The following FRMD4A variants were observed in gnomAD, a reference collection of about 807,000 sequenced individuals.
The protein encoded by FRMD4A is FERM domain-containing protein 4A.
FRMD4A carries 29 observed loss-of-function variants against 129.1 expected under a neutral mutation model. The ratio of observed to expected loss-of-function variants is 0.22; its 90% CI spans 0.17 to 0.31. The LOEUF (loss-of-function observed/expected upper bound fraction) is 0.31, where lower values mean the gene tolerates loss of function less well. Among genes scored for constraint, FRMD4A ranks in the 10% least tolerant of loss-of-function variants. FRMD4A has a pLI of 1.00. For synonymous variants in FRMD4A, 634 were observed against 571.6 expected (o/e 1.11, Z -1.56); for missense variants, 1,272 against 1,375.8 (o/e 0.92, Z 1.19).
chr10:14,089,630 C>CAAAAAAAAAAAAAAAAAAAAAAAAAAA (rs59553317), intron 2 of FRMD4A, among the ~76,000 whole-genome samples: 1 of 130,804 alleles, frequency 7.6e-6, no homozygotes, highest in African/African-American at 3.0e-5. Flanking sequence ...AAAAAAAAAA[C>CAAAAAAAAAAAAAAAAAAAAAAAAAAA]AAAAAAAAAC....
intron 3 of FRMD4A, among the ~76,000 whole-genome samples, chr10:13,829,866 T>A (rs1156702541): frequency 1.3e-5 from 2 of 152,138 alleles, no homozygotes; most frequent in Non-Finnish European, 2.9e-5. Flanking sequence ...CCATAAGTGT[T>A]TCACCAAAAT....
At position 13,656,656 on chromosome 10, in the gene FRMD4A, T is replaced by G; in HGVS notation, c.2933A>C (p.Gln978Pro). 3 of 1,493,528 alleles carry G rather than the reference T, an allele frequency of 2.0e-6. No homozygotes were observed. The South Asian group carries it at 4.0e-5, about 20-fold the overall frequency. 92.5% of individuals were successfully genotyped at this position (1,493,528 alleles called of 1,614,324 possible). A position where few individuals can be genotyped will look rare whatever the true frequency, so the allele number is the denominator to read the frequency against. ...VAHSRVTRMP[Q>P]MCKATSAALP... The stretch of plus-strand genomic sequence containing the variant: ...CTCACCTGACGTGGCCTTGCACATC[T>G]GGGGCATCCTGGTGACCCTGCTGTG... Residue 978 changes from glutamine to proline, a missense_variant, in exon 22 of 25, where the codon CAG (glutamine) becomes CCG (proline). Physicochemically the swap from Gln to Pro is moderately conservative, Grantham distance 76. Transcript: ENST00000357447.
At chr10:14,145,292 C>G (rs980130111) in intron 2 of FRMD4A, among the ~76,000 whole-genome samples, 1 of 152,158 alleles carries the variant, frequency 6.6e-6, no homozygotes, top group East Asian at 1.9e-4. Context: ...TTAACCTCCC[C>G]CAGATCAAAC....
chr10:13,904,253 GA>G (rs869142401), intron 2 of FRMD4A, among the ~76,000 whole-genome samples: 1 of 26,528 alleles, frequency 3.8e-5, no homozygotes, highest in Non-Finnish European at 8.4e-5. Flanking sequence ...CAGCCAAGGA[GA>G]ACGCTCCTAC....
At chr10:14,206,240 G>T (rs764277407) in intron 2 of FRMD4A, among the ~76,000 whole-genome samples, 1 of 152,082 alleles carries the variant, frequency 6.6e-6, no homozygotes, top group South Asian at 2.1e-4. Context: ...AACACAAGGC[G>T]CACTTTTCTT....
At chr10:13,736,138 C>T (rs574196730) in intron 12 of FRMD4A, among the ~76,000 whole-genome samples, 4 of 151,792 alleles carry the variant, frequency 2.6e-5, no homozygotes, top group South Asian at 2.1e-4. Flanking sequence ...GGAGACAGAG[C>T]GAGACTCCAT....
At chr10:13,891,563 G>A (rs1159074596) in intron 2 of FRMD4A, 15 of 979,304 alleles carry the variant, frequency 1.5e-5, no homozygotes, top group Non-Finnish European at 1.8e-5. Context: ...AAACACGGAA[G>A]GCGAAGGGCT....
intron 2 of FRMD4A, among the ~76,000 whole-genome samples, chr10:14,204,950 AC>A (rs562852492): frequency 1.3e-5 from 2 of 152,298 alleles, no homozygotes; most frequent in South Asian, 4.2e-4. Context: ...GGAGAGCCAC[AC>A]AGACACAAGT....
rs1435584820 is a variant in FRMD4A at position 13,645,172 on chromosome 10, C to G, written c.*1866G>C. Reference sequence around the variant, plus strand: ...CATTTTAGTGTCCATCCTTACCCTTCTGGTCTGGTAGAGCCTATGGTTATT... The same window carrying G: ...CATTTTAGTGTCCATCCTTACCCTTGTGGTCTGGTAGAGCCTATGGTTATT... On this transcript the variant is annotated 3_prime_UTR_variant, in exon 25 of 25. Transcript: ENST00000357447. The G allele has an allele frequency of 6.6e-6, 1 of 152,218 alleles. No individual in the cohort carries two copies. The highest frequency in any genetic ancestry group is 1.5e-5 in the Non-Finnish European group (1 of 68,048). 9.4% of individuals were successfully genotyped at this position (152,218 alleles called of 1,614,324 possible).
chr10:13,853,829 C>CAAAAAAA (rs745585369), intron 3 of FRMD4A, among the ~76,000 whole-genome samples: 1 of 89,882 alleles, frequency 1.1e-5, no homozygotes, highest in East Asian at 3.4e-4. Flanking sequence ...AAGACTCTCT[C>CAAAAAAA]AAAAAAAAAA....
intron 15 of FRMD4A, among the ~76,000 whole-genome samples, chr10:13,688,883 AATTTTT>A (rs1362757175): frequency 1.1e-4 from 16 of 151,882 alleles, no homozygotes; most frequent in African/African-American, 3.9e-4. Context: ...ACGCCTAGCT[AATTTTT>A]ATATTTTTGG....
chr10:13,974,791 T>G (rs1400759962), intron 2 of FRMD4A, among the ~76,000 whole-genome samples: 1 of 152,162 alleles, frequency 6.6e-6, no homozygotes, highest in African/African-American at 2.4e-5. Context: ...TCTCCCAAAG[T>G]GCTGGGATTA....
At chr10:14,229,581 G>A (rs1483718495) in intron 2 of FRMD4A, among the ~76,000 whole-genome samples, 1 of 152,066 alleles carries the variant, frequency 6.6e-6, no homozygotes, top group African/African-American at 2.4e-5. Flanking sequence ...GGGACTACAG[G>A]TGTGCACCAC....
intron 17 of FRMD4A, chr10:13,667,512 C>T (rs983785051): frequency 2.0e-5 from 3 of 152,248 alleles, no homozygotes; most frequent in Non-Finnish European, 2.9e-5. Flanking sequence ...GTGGACCTAG[C>T]GGATGACACC....
chr10:14,261,207 G>A (rs1479391110), intron 2 of FRMD4A, among the ~76,000 whole-genome samples: 1 of 152,194 alleles, frequency 6.6e-6, no homozygotes, highest in African/African-American at 2.4e-5. Flanking sequence ...GTGGAACCAT[G>A]ATTTAGGAGG....
At chr10:14,201,958 G>A (rs1176310941) in intron 2 of FRMD4A, among the ~76,000 whole-genome samples, 7 of 152,000 alleles carry the variant, frequency 4.6e-5, no homozygotes, top group Admixed American at 3.3e-4. Context: ...GTGAAACGCC[G>A]TCTCTACTGA....
At chr10:13,822,849 A>C (rs2093649429) in intron 3 of FRMD4A, among the ~76,000 whole-genome samples, 1 of 152,070 alleles carries the variant, frequency 6.6e-6, no homozygotes, top group Non-Finnish European at 1.5e-5. Context: ...AAACCAACAA[A>C]GTCACAGCTC....
At chr10:13,785,218 G>A (rs888030988) in intron 5 of FRMD4A, among the ~76,000 whole-genome samples, 1 of 152,092 alleles carries the variant, frequency 6.6e-6, no homozygotes, top group African/African-American at 2.4e-5. Context: ...TTTTGAAATT[G>A]GTGAGTGAAT....
chr10:13,942,223 C>G (rs1258244594), intron 2 of FRMD4A, among the ~76,000 whole-genome samples: 1 of 152,230 alleles, frequency 6.6e-6, no homozygotes, highest in East Asian at 1.9e-4. Context: ...CTGGGGAAGC[C>G]TCATTAAAGG....
Sources: gnomAD v4.1 joint callset for allele counts (sites outside exome capture counted in the v4.1 genomes callset) on GRCh38, gnomAD v4.1.1 for gene constraint, MANE v1.5 for transcripts, NCBI Gene and HGNC (gene_info 2026-07-23, HGNC 2026-07-21) for gene names.